Variants in CCDC83 observed in about 807,000 individuals in gnomAD.
CCDC83 encodes coiled-coil domain containing 83.
Under a neutral mutation model 50.1 loss-of-function variants are expected in CCDC83, and 54 were observed. The observed-to-expected ratio is 1.08, with a 90% CI of 0.87 to 1.35. The LOEUF (loss-of-function observed/expected upper bound fraction) is 1.35, where lower values mean the gene tolerates loss of function less well. CCDC83 is among the 40% of genes most tolerant of loss of function. The pLI, the probability that CCDC83 is intolerant of heterozygous loss-of-function variation, is 0.00. For missense variants in CCDC83, 518 were observed against 473.9 expected (o/e 1.09, Z -0.86); for synonymous variants, 161 against 153.3 (o/e 1.05, Z -0.37).
At position 85,908,180 on chromosome 11, in the gene CCDC83, T is replaced by C. The variant is rs187945825; in HGVS notation, c.673-3101T>C. ...AAGCCACCAGCAATATTTGAGCCTT[T>C]TCCATGGGACTGGTATTGCTTTATA... On this transcript the variant is annotated intron_variant, in intron 7 of 10. Coordinates refer to ENST00000342404, the MANE Select transcript of CCDC83 (RefSeq NM_001286159.2). Among the ~76,000 whole-genome samples the C allele has an allele frequency of 3.1e-4, 47 of 152,322 alleles. 2 individuals are homozygous for C. The highest frequency in any genetic ancestry group is 1.1e-3 in the African/African-American group (44 of 41,584).
At chr11:85,897,703 C>T (rs2093381725) in intron 6 of CCDC83, among the ~76,000 whole-genome samples, 1 of 152,164 alleles carries the variant, frequency 6.6e-6, no homozygotes, top group South Asian at 2.1e-4. Context: ...GGAGCAACTT[C>T]TTGCTTTTGT....
At chr11:85,896,368 T>TTTGCG (rs1201218867) in intron 6 of CCDC83, among the ~76,000 whole-genome samples, 1 of 115,248 alleles carries the variant, frequency 8.7e-6, no homozygotes, top group African/African-American at 3.4e-5. Context: ...GCCACTGCAC[T>TTTGCG]CCAGCATGGG....
At chr11:85,897,313 C>T (rs1422213423) in intron 6 of CCDC83, among the ~76,000 whole-genome samples, 2 of 152,152 alleles carry the variant, frequency 1.3e-5, no homozygotes, top group African/African-American at 4.8e-5. Context: ...GTGGGAGAAT[C>T]GAGATTCATT....
chr11:85,899,912 TAAAATTATA>T (rs1387089168), intron 7 of CCDC83, among the ~76,000 whole-genome samples: 2 of 152,056 alleles, frequency 1.3e-5, no homozygotes, highest in Admixed American at 6.6e-5. Context: ...CTCGCTGAAA[TAAAATTATA>T]AAAATTATAA....
At chr11:85,914,608 C>A (rs920768912) in intron 8 of CCDC83, among the ~76,000 whole-genome samples, 51 of 152,160 alleles carry the variant, frequency 3.4e-4, no homozygotes, top group African/African-American at 1.2e-3. Flanking sequence ...TCATTCCGCA[C>A]CTGAAATACT....
At chr11:85,895,546 T>C (rs907124778) in intron 6 of CCDC83, among the ~76,000 whole-genome samples, 162 bp downstream of exon 6, 4 of 152,168 alleles carry the variant, frequency 2.6e-5, no homozygotes, top group Non-Finnish European at 5.9e-5. Context: ...TTGAACGATT[T>C]ATAAAATGAA....
In CCDC83 at chr11:85,895,296, A is replaced by G; in HGVS notation, c.515A>G (p.His172Arg). Residue 172 changes from histidine to arginine, a missense_variant, in exon 6 of 11, where the codon CAC becomes CGC. By Grantham distance (29) the His-to-Arg change is conservative. Coordinates refer to ENST00000342404, the MANE Select transcript of CCDC83 (RefSeq NM_001286159.2). Reference protein sequence around the residue: ...VKENAEKMSEHYKITLEDTRK... With the variant: ...VKENAEKMSERYKITLEDTRK... ...TTTTTTTTTTTTTTTTTTAAAGAAC[A>G]CTATAAAATCACTCTGGAAGATACT... The G allele has an allele frequency of 1.0e-6, 1 of 975,654 alleles. No individual in the cohort carries two copies. Among genetic ancestry groups the G allele is most frequent in the Non-Finnish European group, 1.4e-6 (1 of 700,176 alleles). 60.4% of individuals were successfully genotyped at this position (975,654 alleles called of 1,614,324 possible). A position where few individuals can be genotyped will look rare whatever the true frequency, so the allele number is the denominator to read the frequency against.
intron 3 of CCDC83, among the ~76,000 whole-genome samples, chr11:85,875,855 C>T (rs1015374057): frequency 2.6e-5 from 4 of 152,124 alleles, no homozygotes; most frequent in Non-Finnish European, 5.9e-5. Flanking sequence ...TTATCTTTCT[C>T]TCAGTTTGCA....
intron 7 of CCDC83, among the ~76,000 whole-genome samples, chr11:85,906,072 CTT>C (rs879545794): frequency 2.1e-5 from 3 of 144,194 alleles, no homozygotes; most frequent in East Asian, 2.0e-4. Context: ...ACAATTCTCT[CTT>C]TTTTTTTTTG....
intron 5 of CCDC83, among the ~76,000 whole-genome samples, chr11:85,892,271 A>C (rs1385174767): frequency 1.3e-5 from 2 of 152,076 alleles, no homozygotes; most frequent in African/African-American, 4.8e-5. Flanking sequence ...GCACAGTCCT[A>C]ATCTGCCAAG....
intron 3 of CCDC83, among the ~76,000 whole-genome samples, chr11:85,875,004 G>T (rs887048007): frequency 6.6e-6 from 1 of 152,204 alleles, no homozygotes; most frequent in African/African-American, 2.4e-5. Context: ...ATGCAGACAT[G>T]CGAAGAGTGA....
intron 3 of CCDC83, 38 bp from the exon 4 acceptor site, chr11:85,882,475 G>A (rs2093305686): frequency 6.2e-6 from 10 of 1,606,300 alleles, no homozygotes; most frequent in African/African-American, 1.3e-5. Context: ...AGTGTACATA[G>A]TTGATCAAAC....
intron 1 of CCDC83, among the ~76,000 whole-genome samples, chr11:85,860,804 A>C (rs2093171694): frequency 6.6e-6 from 1 of 152,272 alleles, no homozygotes; most frequent in Admixed American, 6.5e-5. Context: ...CTACACAGCC[A>C]TAAAAAGAAC....
In CCDC83 at chr11:85,873,295, A is replaced by T. The variant is rs1335519999; in HGVS notation, c.180A>T (p.Arg60Ser). The change falls in exon 3 of 11, where the codon AGA becomes AGT. Residue 60 changes from arginine (R) to serine (S), a missense_variant and splice_region_variant. Transcript: ENST00000342404. ...AAAAGAACCAAAAATATCATGAAAG[A>T]GTGAGTATAAAATTTAGAACCTATA... ...LRKKNQKYHE[R>S]NSRLKEEQIW... is the part of the protein sequence containing the mutation. 7.3e-7 allele frequency: 1 copy of T among 1,366,010 alleles called. No homozygotes were observed. Among genetic ancestry groups the T allele is most frequent in the South Asian group, 1.3e-5 (1 of 75,448 alleles). The allele number at this position is 1,366,010 out of a possible 1,614,324, so 84.6% of individuals were successfully genotyped here. A position where few individuals can be genotyped will look rare whatever the true frequency, so the allele number is the denominator to read the frequency against.
intron 4 of CCDC83, among the ~76,000 whole-genome samples, chr11:85,885,378 G>A (rs2093322030): frequency 6.6e-6 from 1 of 152,140 alleles, no homozygotes; most frequent in African/African-American, 2.4e-5. Context: ...TGTGCTAAGT[G>A]CTGGATTTAC....
intron 3 of CCDC83, among the ~76,000 whole-genome samples, chr11:85,881,283 G>C (rs1025757931): frequency 4.6e-5 from 7 of 151,880 alleles, no homozygotes; most frequent in African/African-American, 1.7e-4. Flanking sequence ...TGAGGCAGGA[G>C]AATCGCTTGA....
At chr11:85,865,512 T>C (rs543771558) in intron 2 of CCDC83, among the ~76,000 whole-genome samples, 3 of 152,264 alleles carry the variant, frequency 2.0e-5, no homozygotes, top group Non-Finnish European at 4.4e-5. Flanking sequence ...CAGTTGTTTA[T>C]TGGTTACTCT....
At chr11:85,887,819 T>C (rs1038361743) in intron 5 of CCDC83, among the ~76,000 whole-genome samples, 7 of 149,934 alleles carry the variant, frequency 4.7e-5, no homozygotes, top group South Asian at 2.1e-4. Flanking sequence ...TTTTTTTTTT[T>C]CGAGACACGG....
At chr11:85,917,271 GA>G (rs2093486567) in intron 10 of CCDC83, among the ~76,000 whole-genome samples, 1 of 76,094 alleles carries the variant, frequency 1.3e-5, no homozygotes, top group Non-Finnish European at 3.2e-5. Context: ...AGGAAGGAAG[GA>G]AGGAAAGAAG....
Sources: gnomAD v4.1 joint callset for allele counts (sites outside exome capture counted in the v4.1 genomes callset) on GRCh38, gnomAD v4.1.1 for gene constraint, MANE v1.5 for transcripts, NCBI Gene and HGNC (gene_info 2026-07-23, HGNC 2026-07-21) for gene names.